The following OR9G4 variants were observed in gnomAD, a reference collection of about 807,000 sequenced individuals.
The protein encoded by OR9G4 is olfactory receptor 9G4.
OR9G4 carries 19 observed loss-of-function variants against 16.7 expected under a neutral mutation model. The ratio of observed to expected loss-of-function variants is 1.14; its 90% CI spans 0.79 to 1.67. The LOEUF is 1.67. Ranked by LOEUF, OR9G4 falls within the 40% of genes most tolerant of loss-of-function variation. The pLI is 0.00. For missense variants in OR9G4, 428 were observed against 370.4 expected (o/e 1.16, Z -1.28); for synonymous variants, 182 against 146.2 (o/e 1.24, Z -1.76).
chr11:56,747,418 C>T (rs966596884), intron 1 of OR9G4, among the ~76,000 whole-genome samples: 1 of 152,050 alleles, frequency 6.6e-6, no homozygotes, highest in Non-Finnish European at 1.5e-5. Flanking sequence ...ACCCTTATTA[C>T]TCTACTCCAA....
chr11:56,744,572 C>T (rs554130532), intron 1 of OR9G4, among the ~76,000 whole-genome samples: 147 of 152,110 alleles, frequency 9.7e-4, no homozygotes, highest in African/African-American at 3.5e-3. Context: ...TGACCATGTA[C>T]CAGTTACTAT....
intron 1 of OR9G4, among the ~76,000 whole-genome samples, chr11:56,746,816 A>G (rs777138349): frequency 2.0e-5 from 3 of 152,108 alleles, no homozygotes; most frequent in East Asian, 3.9e-4. Context: ...CCTACCTTCA[A>G]AATGTATCCT....
chr11:56,742,788 C>T lies in OR9G4; in HGVS notation c.*40G>A, dbSNP rs781264636. On this transcript the variant is annotated 3_prime_UTR_variant, in exon 2 of 2. Transcript: ENST00000641668. ...ATGAACACATTTATAAGCCAATAAT[C>T]TGGAAAATTCAATAACAGCATTTGC... The T allele has an allele frequency of 2.6e-6, 4 of 1,564,066 alleles. 1 individual carries two copies. The South Asian group carries it at 4.8e-5, about 19-fold the overall frequency.
At position 56,743,460 on chromosome 11, in the gene OR9G4, A is replaced by T. The variant is rs1202016622; in HGVS notation, c.307T>A (p.Phe103Ile). The stretch of plus-strand genomic sequence containing the variant: ...TCAGTGTAGGCTACAACACAGGAAA[A>T]AAACAGCTGAGCCCCACATCCAGCC... The part of the protein sequence containing the change: ...SLAGCGAQLF[F>I]SCVVAYTECY... Residue 103 changes from phenylalanine (F) to isoleucine (I), a missense_variant, in exon 2 of 2, where the codon TTT becomes ATT. By Grantham distance (21) the Phe-to-Ile change is conservative. Coordinates refer to ENST00000641668, the MANE Select transcript of OR9G4 (RefSeq NM_001005284.2). 6.2e-7 allele frequency: 1 copy of T among 1,614,160 alleles called. No homozygotes were observed. The highest frequency in any genetic ancestry group is 1.1e-5 in the South Asian group (1 of 91,082).
chr11:56,742,858 T>C lies in OR9G4; in HGVS notation c.909A>G (p.Lys303=), dbSNP rs1277750012. The C allele has an allele frequency of 6.2e-7, 1 of 1,613,978 alleles. No individual in the cohort carries two copies. The highest frequency in any genetic ancestry group is 2.2e-5 in the East Asian group (1 of 44,888). ...TTTGTGGTTGTATAGTCTGTGTTGC[T>C]TTCCTGAAGGCCTCTTTGATATCTT... ...RNKDIKEAFR[K]ATQTIQPQT The change falls in exon 2 of 2, where the codon AAA becomes AAG. Residue 303 remains lysine, a synonymous_variant. Transcript: ENST00000641668.
rs193103384 is a variant in OR9G4, at chr11:56,742,095, A to G, written c.*733T>C. ...GAAAGGTAACTAGGGAACAGTGGTT[A>G]CTATTGTTGTTCATTTGTTTTATTT... On this transcript the variant is annotated 3_prime_UTR_variant, in exon 2 of 2. Coordinates refer to ENST00000641668, the MANE Select transcript of OR9G4 (RefSeq NM_001005284.2). 6 of 152,398 alleles carry G rather than the reference A, an allele frequency of 3.9e-5. No individual in the cohort carries two copies. The highest frequency in any genetic ancestry group is 3.9e-4 in the Admixed American group (6 of 15,298). The allele number at this position is 152,398 out of a possible 1,614,324, so 9.4% of individuals were successfully genotyped here. A position where few individuals can be genotyped will look rare whatever the true frequency, so the allele number is the denominator to read the frequency against.
Position 56,743,502 on chromosome 11 carries a change from CT to C in OR9G4, c.264del (p.Asp89IlefsTer19), listed in dbSNP as rs1858348232. The C allele has an allele frequency of 6.2e-7, 1 of 1,614,156 alleles. No individual in the cohort carries two copies. The highest frequency in any genetic ancestry group is 8.5e-7 in the Non-Finnish European group (1 of 1,180,026). ...TPKILASCVS[E>X]DKRISLAGCG... is the part of the protein sequence containing the mutation. Reference sequence around the variant, plus strand: ...CATCCAGCCAAGGAAATGCGCTTATCTTCTGAGACACAACTGGCCAGGATTT... The same window carrying C: ...CATCCAGCCAAGGAAATGCGCTTATCTCTGAGACACAACTGGCCAGGATTT... On this transcript the variant is annotated frameshift_variant, in exon 2 of 2. Transcript: ENST00000641668. LOFTEE classifies it high-confidence loss of function.
intron 1 of OR9G4, among the ~76,000 whole-genome samples, chr11:56,747,344 A>T (rs905956713): frequency 1.1e-4 from 16 of 152,098 alleles, no homozygotes; most frequent in Non-Finnish European, 7.4e-5. Context: ...GACAAAGGTG[A>T]ATGTGACATT....
At position 56,742,053 on chromosome 11, in the gene OR9G4, T is replaced by C. The variant is rs1858308560; in HGVS notation, c.*775A>G. 6.6e-6 allele frequency: 1 copy of C among 152,330 alleles called. No individual in the cohort carries two copies. The highest frequency in any genetic ancestry group is 2.4e-5 in the African/African-American group (1 of 41,448). 9.4% of individuals were successfully genotyped at this position (152,330 alleles called of 1,614,324 possible). ...CAAACATGCAGCTTATGTCTTTTGG[T>C]CAGGACAAAGGAAAGAGAAAGGTAA... On this transcript the variant is annotated 3_prime_UTR_variant, in exon 2 of 2. Transcript: ENST00000641668.
chr11:56,745,870 T>C (rs1404840878), intron 1 of OR9G4, among the ~76,000 whole-genome samples: 5 of 152,070 alleles, frequency 3.3e-5, no homozygotes, highest in Admixed American at 1.3e-4. Flanking sequence ...AGTCCTTACA[T>C]ACACACGTAT....
chr11:56,743,476 A>T lies in OR9G4; in HGVS notation c.291T>A (p.Cys97Ter), dbSNP rs1565064923. The change falls in exon 2 of 2, where the codon TGT becomes TGA. Residue 97 changes from cysteine (C) to a stop codon, truncating the protein, a stop_gained. Transcript: ENST00000641668. LOFTEE classifies it high-confidence loss of function. The stretch of plus-strand genomic sequence containing the variant: ...CACAGGAAAAAAACAGCTGAGCCCC[A>T]CATCCAGCCAAGGAAATGCGCTTAT... ...SEDKRISLAGCGAQLFFSCVV... is the reference protein window; with the variant it reads ...SEDKRISLAG 3 of 1,614,154 alleles carry T rather than the reference A, an allele frequency of 1.9e-6. No homozygotes were observed. The highest frequency in any genetic ancestry group is 1.7e-6 in the Non-Finnish European group (2 of 1,180,024).
At chr11:56,743,815 T>C (rs769947937) in intron 1 of OR9G4, 27 bp from the exon 2 acceptor site, 1 of 1,602,328 alleles carries the variant, frequency 6.2e-7, no homozygotes, top group South Asian at 1.1e-5. Flanking sequence ...AAATCATCAC[T>C]TAGTGTTTTT....
In OR9G4 at chr11:56,742,838, G is replaced by A; in HGVS notation, c.929C>T (p.Pro310Leu). Reference protein sequence around the residue: ...AFRKATQTIQPQT With the variant: ...AFRKATQTIQLQT Reference sequence around the variant, plus strand: ...CAAAGAGAATAACCTTCATGTTTGTGGTTGTATAGTCTGTGTTGCTTTCCT... The same window carrying A: ...CAAAGAGAATAACCTTCATGTTTGTAGTTGTATAGTCTGTGTTGCTTTCCT... The change falls in exon 2 of 2, where the codon CCA becomes CTA. Residue 310 changes from proline (P) to leucine (L), a missense_variant. Physicochemically the swap from Pro to Leu is moderately conservative, Grantham distance 98 (BLOSUM62 -3). Transcript: ENST00000641668. The A allele has an allele frequency of 1.2e-6, 2 of 1,612,026 alleles. No homozygotes were observed. Among genetic ancestry groups the A allele is most frequent in the Non-Finnish European group, 1.7e-6 (2 of 1,179,180 alleles).
chr11:56,747,517 A>T (rs1175941862), intron 1 of OR9G4, among the ~76,000 whole-genome samples: 1 of 152,166 alleles, frequency 6.6e-6, no homozygotes, highest in African/African-American at 2.4e-5. Flanking sequence ...AGAATGCAAC[A>T]TCTATACAGC....
At chr11:56,744,198 G>A (rs542958433) in intron 1 of OR9G4, among the ~76,000 whole-genome samples, 14 of 152,150 alleles carry the variant, frequency 9.2e-5, no homozygotes, top group African/African-American at 3.4e-4. Context: ...CTCCTGAGTA[G>A]CTGGGATTAC....
chr11:56,743,994 C>A lies in OR9G4; in HGVS notation c.-22-206G>T, dbSNP rs1401767443. On this transcript the variant is annotated intron_variant, in intron 1 of 1. Coordinates refer to ENST00000641668, the MANE Select transcript of OR9G4 (RefSeq NM_001005284.2). ...GAAAATTAGGAATTTTATTTATTAA[C>A]TATTTAATGCAGGACAAGACCCATA... 10 of 588,640 alleles carry A rather than the reference C, an allele frequency of 1.7e-5. No individual in the cohort carries two copies. In the East Asian group the frequency reaches 2.8e-4, roughly 17 times the overall value. The allele number at this position is 588,640 out of a possible 1,614,324, so 36.5% of individuals were successfully genotyped here.
chr11:56,745,640 T>C (rs1345291371), intron 1 of OR9G4, among the ~76,000 whole-genome samples: 1 of 151,818 alleles, frequency 6.6e-6, no homozygotes, highest in Non-Finnish European at 1.5e-5. Flanking sequence ...GGCGTGGTGG[T>C]ACACGGCTGT....
chr11:56,745,885 G>C (rs1183876860), intron 1 of OR9G4, among the ~76,000 whole-genome samples: 1 of 152,118 alleles, frequency 6.6e-6, no homozygotes. Flanking sequence ...ACGTATCTTG[G>C]GATACACAGG....
At chr11:56,743,975 T>A in intron 1 of OR9G4, 187 bp from the exon 2 acceptor site, 1 of 620,116 alleles carries the variant, frequency 1.6e-6, no homozygotes, top group Non-Finnish European at 2.7e-6. Flanking sequence ...ATTTGAAAAT[T>A]AGGAATTTTA....
Sources: allele counts gnomAD v4.1 joint callset (sites outside exome capture counted in the v4.1 genomes callset), GRCh38; gene constraint gnomAD v4.1.1; transcripts MANE v1.5; gene names NCBI Gene and HGNC (gene_info 2026-07-23, HGNC 2026-07-21).